Variants in LYZL2 observed in about 807,000 individuals in gnomAD.
The protein encoded by LYZL2 is lysozyme like 2.
Under a neutral mutation model 17.1 loss-of-function variants are expected in LYZL2, and 13 were observed. The observed-to-expected ratio is 0.76, with a 90% CI of 0.49 to 1.21. The LOEUF is 1.21. Among genes scored for constraint, LYZL2 ranks in the 50% most tolerant of loss-of-function variants. The pLI, the probability that LYZL2 is intolerant of heterozygous loss-of-function variation, is 0.00. For synonymous variants in LYZL2, 63 were observed against 74.4 expected, an observed-to-expected ratio of 0.85 and a Z score of 0.79; for missense variants, 166 against 189.2, an observed-to-expected ratio of 0.88 and a Z score of 0.72.
intron 3 of LYZL2, among the ~76,000 whole-genome samples, chr10:30,616,974 T>G (rs1838537757): frequency 6.6e-6 from 1 of 152,140 alleles, no homozygotes; most frequent in African/African-American, 2.4e-5. Context: ...GTACCTGATA[T>G]ATGTTCAAAT....
intron 3 of LYZL2, among the ~76,000 whole-genome samples, chr10:30,617,284 C>T (rs1380380430): frequency 3.3e-5 from 5 of 152,126 alleles, no homozygotes; most frequent in Non-Finnish European, 4.4e-5. Context: ...AAGCAGACAC[C>T]GCGTAAAGTT....
chr10:30,613,882 T>TTTTTTA (rs1838487643), intron 3 of LYZL2, among the ~76,000 whole-genome samples: 1 of 152,004 alleles, frequency 6.6e-6, no homozygotes, highest in South Asian at 2.1e-4. Flanking sequence ...CGCCTGACCA[T>TTTTTTA]TTTTTATTTT....
At position 30,626,198 on chromosome 10, in the gene LYZL2, T is replaced by C. The variant is rs1838700700; in HGVS notation, c.205A>G (p.Ser69Gly). The change falls in exon 3 of 5, where the codon AGC becomes GGC. Residue 69 changes from serine to glycine, a missense_variant. Transcript: ENST00000647634. ...TTAQTVLDDG[S>G]IDYGIFQINS... is the part of the protein sequence containing the mutation. ...ATCTGGAAGATGCCGTAGTCGATGC[T>C]GCCGTCATCCAGGACCGTCTGGGCT... 1.2e-6 allele frequency: 2 copies of C among 1,614,258 alleles called. No individual in the cohort carries two copies. The highest frequency in any genetic ancestry group is 2.2e-5 in the East Asian group (1 of 44,884).
chr10:30,618,535 A>G (rs1461730753), intron 3 of LYZL2, among the ~76,000 whole-genome samples: 5 of 152,236 alleles, frequency 3.3e-5, no homozygotes, highest in Non-Finnish European at 7.3e-5. Context: ...ATCTACAACT[A>G]TGTGATCTTT....
At chr10:30,625,809 C>T (rs1475318172) in intron 3 of LYZL2, among the ~76,000 whole-genome samples, 1 of 152,212 alleles carries the variant, frequency 6.6e-6, no homozygotes, top group Non-Finnish European at 1.5e-5. Context: ...CTTTTTCTTA[C>T]TGAAGACATC....
intron 3 of LYZL2, among the ~76,000 whole-genome samples, chr10:30,625,774 T>C (rs1403567181): frequency 6.6e-6 from 1 of 152,364 alleles, no homozygotes; most frequent in East Asian, 1.9e-4. Flanking sequence ...GAATTGCTTA[T>C]GGAAAGCAGC....
intron 3 of LYZL2, among the ~76,000 whole-genome samples, chr10:30,619,498 TA>T (rs1456627952): frequency 2.6e-5 from 4 of 151,846 alleles, no homozygotes. Flanking sequence ...TATGCAGCCA[TA>T]AAAAAGGATG....
chr10:30,629,600 G>C lies in LYZL2; in HGVS notation c.-33C>G. On this transcript the variant is annotated 5_prime_UTR_variant, in exon 1 of 5. Coordinates refer to ENST00000647634, the MANE Select transcript of LYZL2 (RefSeq NM_183058.3). ...GAGTAATTTAGGTCTTACTGAAAAGGCAGATTCCTGGTGCCTGCCGCAGAG... is the reference window on the plus strand; with the variant it reads ...GAGTAATTTAGGTCTTACTGAAAAGCCAGATTCCTGGTGCCTGCCGCAGAG... 3.7e-6 allele frequency: 6 copies of C among 1,614,084 alleles called. No individual in the cohort carries two copies. Among genetic ancestry groups the C allele is most frequent in the Non-Finnish European group, 5.1e-6 (6 of 1,179,954 alleles).
intron 3 of LYZL2, among the ~76,000 whole-genome samples, chr10:30,622,063 T>C (rs555927767): frequency 6.6e-6 from 1 of 152,074 alleles, no homozygotes; most frequent in East Asian, 1.9e-4. Context: ...TAAGATGTAA[T>C]AAGATAATGA....
intron 3 of LYZL2, 56 bp from the exon 4 acceptor site, chr10:30,612,956 C>T: frequency 1.5e-6 from 2 of 1,359,536 alleles, no homozygotes; most frequent in South Asian, 1.2e-5. Context: ...GAGAGGGACC[C>T]CAACTCAAGT....
downstream of LYZL2, among the ~76,000 whole-genome samples, chr10:30,609,518 C>A (rs999275386): frequency 6.6e-6 from 1 of 152,332 alleles, no homozygotes; most frequent in East Asian, 1.9e-4. Context: ...CAACAGAGAA[C>A]AAGTTGGGAT....
chr10:30,617,692 AAAAAAAGAAAAGAAAAAG>A (rs1838555549), intron 3 of LYZL2, among the ~76,000 whole-genome samples: 4 of 148,448 alleles, frequency 2.7e-5, no homozygotes, highest in Non-Finnish European at 4.5e-5. Context: ...AAAAAAAAAA[AAAAAAAGAAAAGAAAAAG>A]AAAAAAAAGA....
At chr10:30,627,299 T>C in intron 1 of LYZL2, among the ~76,000 whole-genome samples, 1 of 152,018 alleles carries the variant, frequency 6.6e-6, no homozygotes, top group East Asian at 1.9e-4. Context: ...TTCCCTATAC[T>C]GCTGACCCTT....
chr10:30,612,624 A>G (rs1300125984), intron 4 of LYZL2, among the ~76,000 whole-genome samples, 198 bp downstream of exon 4: 15 of 152,134 alleles, frequency 9.9e-5, no homozygotes, highest in Non-Finnish European at 1.6e-4. Context: ...ACTCACTCCC[A>G]TGTCTCTGCT....
chr10:30,628,154 C>T (rs554533613), intron 1 of LYZL2, among the ~76,000 whole-genome samples: 25 of 150,312 alleles, frequency 1.7e-4, no homozygotes, highest in South Asian at 1.0e-3. Flanking sequence ...AGCGAGACTC[C>T]GCCTCAAAAA....
At chr10:30,607,254 C>T (rs1838388237), downstream of LYZL2, among the ~76,000 whole-genome samples, 1 of 150,100 alleles carries the variant, frequency 6.7e-6, no homozygotes. Context: ...ATTTTCTACC[C>T]TACAAAGAAT....
chr10:30,606,912 C>CTTTT (rs5784208), downstream of LYZL2, among the ~76,000 whole-genome samples: 1 of 144,792 alleles, frequency 6.9e-6, no homozygotes, highest in African/African-American at 2.6e-5. Flanking sequence ...TACTTTTGGT[C>CTTTT]TTTTTTTTTT....
chr10:30,628,142 A>T (rs1838749187), intron 1 of LYZL2, among the ~76,000 whole-genome samples: 1 of 152,034 alleles, frequency 6.6e-6, no homozygotes, highest in Non-Finnish European at 1.5e-5. Flanking sequence ...CCTGGGCGAC[A>T]GAGCGAGACT....
At chr10:30,622,069 AATG>A (rs1838629804) in intron 3 of LYZL2, among the ~76,000 whole-genome samples, 1 of 152,220 alleles carries the variant, frequency 6.6e-6, no homozygotes, top group African/African-American at 2.4e-5. Context: ...GTAATAAGAT[AATG>A]ATGCCTATTG....
Sources: allele counts gnomAD v4.1 joint callset (sites outside exome capture counted in the v4.1 genomes callset), GRCh38; gene constraint gnomAD v4.1.1; transcripts MANE v1.5; gene names NCBI Gene and HGNC (gene_info 2026-07-23, HGNC 2026-07-21).